Variants in KCNJ6 observed in about 807,000 individuals in gnomAD.
The protein encoded by KCNJ6 is potassium inwardly rectifying channel subfamily J member 6, also known as G protein-activated inward rectifier potassium channel 2.
In KCNJ6, 9 loss-of-function variants were observed where a neutral mutation model predicts 34.2. That is an observed-to-expected ratio of 0.26 (90% confidence interval 0.16 to 0.46). The LOEUF is 0.46. Among genes scored for constraint, KCNJ6 ranks in the 20% least tolerant of loss-of-function variants. The probability of loss-of-function intolerance (pLI) is 1.00; values close to 1 mark genes in which losing one functional copy is unlikely to be tolerated. For missense variants in KCNJ6, 236 were observed against 531.3 expected (o/e 0.44, Z 5.46); for synonymous variants, 196 against 207.1 (o/e 0.95, Z 0.46).
intron 1 of KCNJ6, among the ~76,000 whole-genome samples, chr21:37,857,935 CAG>C (rs1470273355): frequency 2.0e-5 from 3 of 151,940 alleles, no homozygotes; most frequent in Non-Finnish European, 2.9e-5. Context: ...ATCAAGGACA[CAG>C]AGTGTAATTT....
At chr21:37,690,787 T>C (rs992712681) in intron 3 of KCNJ6, among the ~76,000 whole-genome samples, 33 of 151,428 alleles carry the variant, frequency 2.2e-4, no homozygotes, top group Admixed American at 1.8e-3. Context: ...TTTTCTTTTT[T>C]TTTTTTTTTT....
chr21:37,848,687 T>C (rs999207726), intron 1 of KCNJ6, among the ~76,000 whole-genome samples: 1 of 152,226 alleles, frequency 6.6e-6, no homozygotes, highest in Non-Finnish European at 1.5e-5. Context: ...TCCTTTGGGC[T>C]TCAGCGTGAG....
intron 1 of KCNJ6, among the ~76,000 whole-genome samples, chr21:37,902,163 A>G (rs776226304): frequency 1.3e-5 from 2 of 152,256 alleles, no homozygotes; most frequent in Non-Finnish European, 2.9e-5. Context: ...CAGAAGAACA[A>G]TGTCAATACA....
At chr21:37,813,228 TATAAAAC>T (rs1435303360) in intron 2 of KCNJ6, among the ~76,000 whole-genome samples, 3 of 152,158 alleles carry the variant, frequency 2.0e-5, no homozygotes, top group Non-Finnish European at 4.4e-5. Context: ...TAATGAAAAC[TATAAAAC>T]ATTGATGAAA....
chr21:37,899,515 C>T (rs2055806387), intron 1 of KCNJ6, among the ~76,000 whole-genome samples: 1 of 152,184 alleles, frequency 6.6e-6, no homozygotes, highest in South Asian at 2.1e-4. Context: ...GAAGCTAATA[C>T]ACTACCACAC....
chr21:37,632,480 G>A (rs2054338274), intron 3 of KCNJ6, among the ~76,000 whole-genome samples: 1 of 152,004 alleles, frequency 6.6e-6, no homozygotes, highest in African/African-American at 2.4e-5. Flanking sequence ...ATGAACAACA[G>A]AATTAATTCA....
At position 37,726,578 on chromosome 21, in the gene KCNJ6, T is replaced by TTCACA. The variant is rs1483967249; in HGVS notation, c.26-11448_26-11447insTGTGA. Among the ~76,000 whole-genome samples the TTCACA allele has an allele frequency of 3.3e-5, 5 of 152,194 alleles. No homozygotes were observed. The East Asian group carries it at 9.6e-4, about 29-fold the overall frequency. ...CTTTGCAAATATTGCCATCTTACAG[T>TTCACA]AATGTGTGCATGTTTGTGAATGTGT... On this transcript the variant is annotated intron_variant, in intron 2 of 3. Transcript: ENST00000609713.
rs1395778710 is a variant in KCNJ6, at chr21:37,617,059, TTTCTTTTC to T, written c.*8092_*8099del. On this transcript the variant is annotated 3_prime_UTR_variant, in exon 4 of 4. Coordinates refer to ENST00000609713, the MANE Select transcript of KCNJ6 (RefSeq NM_002240.5). ...TTCTTTCTTTCTTTCTTTCTTTTCT[TTTCTTTTC>T]TTTTCTTTTCTTTCTTTTTCTTTCT... is the stretch of plus-strand genomic sequence containing the variant. 1 of 13,140 alleles carries T rather than the reference TTTCTTTTC, an allele frequency of 7.6e-5. No homozygotes were observed. The highest frequency in any genetic ancestry group is 2.0e-3 in the South Asian group (1 of 512). The allele number at this position is 13,140 out of a possible 1,614,324, so 0.8% of individuals were successfully genotyped here. A position where few individuals can be genotyped will look rare whatever the true frequency, so the allele number is the denominator to read the frequency against.
intron 1 of KCNJ6, among the ~76,000 whole-genome samples, chr21:37,865,202 GA>G (rs1251462070): frequency 6.6e-6 from 1 of 152,150 alleles, no homozygotes; most frequent in Non-Finnish European, 1.5e-5. Context: ...GATATGCTGG[GA>G]ATAATGTAAA....
At chr21:37,908,128 T>A (rs1281647609) in intron 1 of KCNJ6, among the ~76,000 whole-genome samples, 1 of 152,258 alleles carries the variant, frequency 6.6e-6, no homozygotes, top group African/African-American at 2.4e-5. Flanking sequence ...GTGGCTGTGA[T>A]ATCTGAGTTA....
intron 2 of KCNJ6, among the ~76,000 whole-genome samples, chr21:37,741,900 G>A (rs892491172): frequency 6.6e-5 from 10 of 152,210 alleles, no homozygotes; most frequent in African/African-American, 2.2e-4. Flanking sequence ...GGAAATAAGT[G>A]AAAATCAACC....
At chr21:37,859,527 A>G (rs1319861568) in intron 1 of KCNJ6, among the ~76,000 whole-genome samples, 1 of 101,642 alleles carries the variant, frequency 9.8e-6, no homozygotes, top group Non-Finnish European at 2.0e-5. Context: ...ATATATATAT[A>G]TATAAAATAC....
chr21:37,625,115 G>C lies in KCNJ6; in HGVS notation c.*44C>G, dbSNP rs1455741671. The stretch of plus-strand genomic sequence containing the variant: ...AGAAAGAGAATGAGAGACAAGGAAA[G>C]ATTGTGTTGGGGGGAGAAGAGAAGG... On this transcript the variant is annotated 3_prime_UTR_variant, in exon 4 of 4. Transcript: ENST00000609713. 7.6e-7 allele frequency: 1 copy of C among 1,308,392 alleles called. No homozygotes were observed. The highest frequency in any genetic ancestry group is 1.5e-5 in the African/African-American group (1 of 68,084). 81.0% of individuals were successfully genotyped at this position (1,308,392 alleles called of 1,614,324 possible). A position where few individuals can be genotyped will look rare whatever the true frequency, so the allele number is the denominator to read the frequency against.
In KCNJ6 at chr21:37,655,217, GTGTGTGTGAGAGAGA is replaced by G. The variant is rs1569438894; in HGVS notation, c.947-29748_947-29734del. Among the ~76,000 whole-genome samples, 305 of 93,376 alleles carry G rather than the reference GTGTGTGTGAGAGAGA, an allele frequency of 3.3e-3. 11 individuals carry two copies. The highest frequency in any genetic ancestry group is 0.011 in the African/African-American group (286 of 27,104). 61.3% of individuals were successfully genotyped at this position (93,376 alleles called of 152,430 possible). ...TGTGTGTGTGTGTGTGTGTGTGTGT[GTGTGTGTGAGAGAGA>G]GAGAGAGAGAGAGAGAGAGAGAGAG... On this transcript the variant is annotated intron_variant, in intron 3 of 3. Transcript: ENST00000609713.
At chr21:37,661,623 T>C (rs1314270877) in intron 3 of KCNJ6, among the ~76,000 whole-genome samples, 1 of 125,932 alleles carries the variant, frequency 7.9e-6, no homozygotes, top group African/African-American at 3.0e-5. Flanking sequence ...AGTTTTTTTT[T>C]TTTTTTTTTT....
chr21:37,667,539 G>A (rs1186600103), intron 3 of KCNJ6, among the ~76,000 whole-genome samples: 5 of 151,610 alleles, frequency 3.3e-5, no homozygotes, highest in Non-Finnish European at 4.4e-5. Flanking sequence ...AGCGGGGTCC[G>A]GGGTAGCGGG....
At chr21:37,846,267 C>T (rs899159758) in intron 1 of KCNJ6, among the ~76,000 whole-genome samples, 2 of 152,012 alleles carry the variant, frequency 1.3e-5, no homozygotes, top group Admixed American at 6.6e-5. Context: ...ACATACTTCT[C>T]TTTGAGTGTC....
Position 37,896,445 on chromosome 21 carries a change from A to G in KCNJ6, c.-28+19439T>C, listed in dbSNP as rs367847293. Among the ~76,000 whole-genome samples, 264 of 152,334 alleles carry G rather than the reference A, an allele frequency of 1.7e-3. 3 individuals carry two copies. The highest frequency in any genetic ancestry group is 0.013 in the South Asian group (63 of 4,824). On this transcript the variant is annotated intron_variant, in intron 1 of 3. Coordinates refer to ENST00000609713, the MANE Select transcript of KCNJ6 (RefSeq NM_002240.5). ...ACACCTGTTTCCACCTGAGATGACC[A>G]GGCTGATGTGGGGCTGACTGCTTCT...
chr21:37,711,326 C>T (rs2054751025), intron 3 of KCNJ6, among the ~76,000 whole-genome samples: 1 of 152,198 alleles, frequency 6.6e-6, no homozygotes, highest in Non-Finnish European at 1.5e-5. Context: ...TGCCTGCTTC[C>T]TAACAGGGAA....
Sources: gnomAD v4.1 joint callset for allele counts (sites outside exome capture counted in the v4.1 genomes callset) on GRCh38, gnomAD v4.1.1 for gene constraint, MANE v1.5 for transcripts, NCBI Gene and HGNC (gene_info 2026-07-23, HGNC 2026-07-21) for gene names.